The following RXFP1 variants were observed in gnomAD, a reference collection of about 807,000 sequenced individuals.
RXFP1 encodes the protein relaxin receptor 1.
RXFP1 carries 73 observed loss-of-function variants against 89.8 expected under a neutral mutation model. The observed-to-expected ratio is 0.81, with a 90% CI of 0.67 to 0.99. The LOEUF (loss-of-function observed/expected upper bound fraction) is 0.99, where lower values mean the gene tolerates loss of function less well. RXFP1 is among the 50% of genes least tolerant of loss of function. The pLI, the probability that RXFP1 is intolerant of heterozygous loss-of-function variation, is 0.00. For synonymous variants in RXFP1, 277 were observed against 305.5 expected (o/e 0.91, Z 0.97); for missense variants, 793 against 895.5 (o/e 0.89, Z 1.46).
rs114520328 is a variant in RXFP1 at position 158,557,825 on chromosome 4, G to A, written c.50-14873G>A. 7.4e-3 allele frequency among the ~76,000 whole-genome samples: 1,134 copies of A among 152,306 alleles called. 12 individuals are homozygous for A. Among genetic ancestry groups the A allele is most frequent in the African/African-American group, 0.026 (1,080 of 41,558 alleles). Reference sequence around the variant, plus strand: ...CCAAATGCCTCATCATTGTCATGGAGTCACCTTCACTGACTCCACTGCTTC... The same window carrying A: ...CCAAATGCCTCATCATTGTCATGGAATCACCTTCACTGACTCCACTGCTTC... On this transcript the variant is annotated intron_variant, in intron 1 of 17. Transcript: ENST00000307765.
chr4:158,616,828 G>A (rs944966328), intron 8 of RXFP1, among the ~76,000 whole-genome samples: 7 of 151,182 alleles, frequency 4.6e-5, no homozygotes, highest in East Asian at 3.9e-4. Flanking sequence ...GTGAAACCCC[G>A]CCTCTACTAA....
chr4:158,592,336 G>T (rs1759647062), intron 2 of RXFP1, among the ~76,000 whole-genome samples: 1 of 152,178 alleles, frequency 6.6e-6, no homozygotes. Context: ...CACTCTGGGG[G>T]GCCGAGGCTG....
intron 2 of RXFP1, among the ~76,000 whole-genome samples, chr4:158,579,284 T>G (rs1756864610): frequency 6.6e-6 from 1 of 152,054 alleles, no homozygotes; most frequent in Admixed American, 6.5e-5. Flanking sequence ...GTTTTTTTGT[T>G]TTGAGACAGA....
chr4:158,532,430 A>G (rs1347087307), intron 1 of RXFP1, among the ~76,000 whole-genome samples: 1 of 152,102 alleles, frequency 6.6e-6, no homozygotes, highest in Admixed American at 6.6e-5. Flanking sequence ...AACTGTGTAT[A>G]AAATACAATC....
chr4:158,648,918 G>T (rs1242920467), intron 17 of RXFP1, among the ~76,000 whole-genome samples: 1 of 152,144 alleles, frequency 6.6e-6, no homozygotes, highest in Non-Finnish European at 1.5e-5. Flanking sequence ...TTTGAGACCA[G>T]CCTGGCCAAC....
chr4:158,581,169 A>G (rs1306080067), intron 2 of RXFP1, among the ~76,000 whole-genome samples: 1 of 152,180 alleles, frequency 6.6e-6, no homozygotes, highest in Non-Finnish European at 1.5e-5. Context: ...GTAATAATAA[A>G]ATTAATAGTG....
chr4:158,531,958 A>AG (rs1338024297), intron 1 of RXFP1, among the ~76,000 whole-genome samples: 1 of 151,866 alleles, frequency 6.6e-6, no homozygotes, highest in Non-Finnish European at 1.5e-5. Flanking sequence ...TTTTACATTT[A>AG]GGGGGTATAT....
chr4:158,591,486 G>A lies in RXFP1; in HGVS notation c.188-1915G>A, dbSNP rs76581390. 1.7e-4 allele frequency among the ~76,000 whole-genome samples: 25 copies of A among 150,758 alleles called. No homozygotes were observed. The East Asian group carries it at 2.7e-3, about 16-fold the overall frequency. ...CATACAGAAGTCTGCAGTGGCTCAC[G>A]CCTAATAATCCCAGCACTTTTCGAG... On this transcript the variant is annotated intron_variant, in intron 2 of 17. Transcript: ENST00000307765.
At chr4:158,528,321 T>A (rs2149784842) in intron 1 of RXFP1, among the ~76,000 whole-genome samples, 2 of 151,994 alleles carry the variant, frequency 1.3e-5, no homozygotes, top group South Asian at 4.2e-4. Flanking sequence ...GGGGGCAACA[T>A]GGCGCGACCC....
chr4:158,607,523 T>C (rs1368061855), intron 5 of RXFP1, among the ~76,000 whole-genome samples: 1 of 152,198 alleles, frequency 6.6e-6, no homozygotes, highest in Non-Finnish European at 1.5e-5. Context: ...CTTAACAAGT[T>C]TAAAGAATTA....
In RXFP1 at chr4:158,647,306, A is replaced by T. The variant is rs983269808; in HGVS notation, c.1756+105A>T. ...AATTCTATCAGAATCCCCAGCAAGG[A>T]TTTTCCTCCCCAAATTATACTCTGA... On this transcript the variant is annotated intron_variant, in intron 16 of 17. Coordinates refer to ENST00000307765, the MANE Select transcript of RXFP1 (RefSeq NM_021634.4). 1.4e-5 allele frequency: 13 copies of T among 906,470 alleles called. No homozygotes were observed. In the African/African-American group the frequency reaches 2.2e-4, roughly 15 times the overall value. The allele number at this position is 906,470 out of a possible 1,614,324, so 56.2% of individuals were successfully genotyped here. A position where few individuals can be genotyped will look rare whatever the true frequency, so the allele number is the denominator to read the frequency against.
chr4:158,574,899 A>C (rs1561045987), intron 2 of RXFP1, among the ~76,000 whole-genome samples: 1 of 152,132 alleles, frequency 6.6e-6, no homozygotes. Flanking sequence ...TTTAAAAAAA[A>C]CAACGTCTTG....
intron 16 of RXFP1, among the ~76,000 whole-genome samples, chr4:158,647,583 C>T (rs1258462156): frequency 6.6e-6 from 1 of 152,086 alleles, no homozygotes; most frequent in Non-Finnish European, 1.5e-5. Context: ...AGAAAAAAAT[C>T]ACTAGGCCAG....
chr4:158,617,945 G>A (rs1319189400), intron 9 of RXFP1, among the ~76,000 whole-genome samples: 1 of 152,104 alleles, frequency 6.6e-6, no homozygotes, highest in Non-Finnish European at 1.5e-5. Context: ...CAGAAGCATT[G>A]ATTGTAGTCA....
intron 1 of RXFP1, among the ~76,000 whole-genome samples, chr4:158,535,124 G>C (rs981484929): frequency 2.0e-5 from 3 of 152,054 alleles, no homozygotes; most frequent in African/African-American, 7.2e-5. Context: ...AGGGAGAGGA[G>C]AGAAGGGCAC....
In RXFP1 at chr4:158,562,212, T is replaced by C. The variant is rs1752592830; in HGVS notation, c.50-10486T>C. Among the ~76,000 whole-genome samples, 2 of 152,126 alleles carry C rather than the reference T, an allele frequency of 1.3e-5. 1 individual carries two copies. Among genetic ancestry groups the C allele is most frequent in the Non-Finnish European group, 2.9e-5 (2 of 68,032 alleles). ...ACATTAAAATATAATGCCAACACTA[T>C]ACATTTGATTAATTTTATTGTCTCT... is the stretch of plus-strand genomic sequence containing the variant. On this transcript the variant is annotated intron_variant, in intron 1 of 17. Coordinates refer to ENST00000307765, the MANE Select transcript of RXFP1 (RefSeq NM_021634.4).
rs55944906 is a variant in RXFP1, at chr4:158,562,523, C to CAAAAAAAAAAAAAAAAA, written c.50-10163_50-10147dup. Among the ~76,000 whole-genome samples, 7 of 25,330 alleles carry CAAAAAAAAAAAAAAAAA rather than the reference C, an allele frequency of 2.8e-4. 1 individual carries two copies. Among genetic ancestry groups the CAAAAAAAAAAAAAAAAA allele is most frequent in the South Asian group, 3.2e-3 (1 of 314 alleles). 16.6% of individuals were successfully genotyped at this position (25,330 alleles called of 152,430 possible). On this transcript the variant is annotated intron_variant, in intron 1 of 17. Transcript: ENST00000307765. ...TGGGCGACAGAGCGAGACTCCGTCT[C>CAAAAAAAAAAAAAAAAA]AAAAAAAAAAAAAAAAAAAAAAAAA...
chr4:158,638,507 C>A (rs2150230495), intron 13 of RXFP1, among the ~76,000 whole-genome samples: 1 of 152,184 alleles, frequency 6.6e-6, no homozygotes, highest in Middle Eastern at 3.4e-3. Flanking sequence ...AAAGAATTGC[C>A]TTAAAAGATA....
At chr4:158,639,024 T>C (rs1372445811) in intron 13 of RXFP1, among the ~76,000 whole-genome samples, 3 of 152,156 alleles carry the variant, frequency 2.0e-5, no homozygotes, top group African/African-American at 7.2e-5. Context: ...GCACAAAGCA[T>C]TGTGCCATGA....
Sources: gnomAD v4.1 joint callset for allele counts (sites outside exome capture counted in the v4.1 genomes callset) on GRCh38, gnomAD v4.1.1 for gene constraint, MANE v1.5 for transcripts, NCBI Gene and HGNC (gene_info 2026-07-23, HGNC 2026-07-21) for gene names.